AGBL4: variants seen among roughly 807,000 people sequenced by gnomAD.
AGBL4 encodes AGBL carboxypeptidase 4.
A neutral mutation model predicts 66.4 loss-of-function variants in AGBL4; 58 were observed. The ratio of observed to expected loss-of-function variants is 0.87; its 90% CI spans 0.71 to 1.09. The LOEUF (loss-of-function observed/expected upper bound fraction) is 1.09. AGBL4 is among the 50% of genes least tolerant of loss of function. AGBL4 has a pLI of 0.00. For missense variants in AGBL4, 579 were observed against 631.0 expected (o/e 0.92, Z 0.88); for synonymous variants, 234 against 222.9 (o/e 1.05, Z -0.44).
At chr1:49,239,719 T>TTATTGAA (rs1486363259) in intron 4 of AGBL4, among the ~76,000 whole-genome samples, 2 of 152,096 alleles carry the variant, frequency 1.3e-5, no homozygotes, top group Non-Finnish European at 2.9e-5. Flanking sequence ...AAATAGACAT[T>TTATTGAA]TATTGAATAC....
chr1:49,567,077 C>T (rs1412217801), intron 3 of AGBL4, among the ~76,000 whole-genome samples: 3 of 152,310 alleles, frequency 2.0e-5, no homozygotes, highest in Non-Finnish European at 2.9e-5. Flanking sequence ...AGCGAGGCTC[C>T]GTGGGCATAG....
At chr1:49,936,191 C>A (rs921807908) in intron 1 of AGBL4, among the ~76,000 whole-genome samples, 1 of 152,224 alleles carries the variant, frequency 6.6e-6, no homozygotes, top group South Asian at 2.1e-4. Flanking sequence ...GTGAAGAATG[C>A]AGAAGCCTCA....
chr1:49,013,944 T>G (rs1662635822), intron 5 of AGBL4, among the ~76,000 whole-genome samples: 1 of 152,218 alleles, frequency 6.6e-6, no homozygotes, highest in Non-Finnish European at 1.5e-5. Context: ...CCCTTTCTTG[T>G]CCTCTTTTAT....
intron 4 of AGBL4, among the ~76,000 whole-genome samples, chr1:49,139,139 A>G (rs1646068701): frequency 6.6e-6 from 1 of 152,128 alleles, no homozygotes; most frequent in African/African-American, 2.4e-5. Context: ...ACCTCCTACC[A>G]GGCCACTCCT....
At chr1:49,594,259 T>C (rs1039542687) in intron 3 of AGBL4, among the ~76,000 whole-genome samples, 2 of 152,230 alleles carry the variant, frequency 1.3e-5, no homozygotes, top group African/African-American at 4.8e-5. Context: ...GGAAGGGAAC[T>C]GGATACCTGT....
chr1:49,498,856 C>G (rs533328905), intron 3 of AGBL4, among the ~76,000 whole-genome samples: 1 of 151,922 alleles, frequency 6.6e-6, no homozygotes, highest in Non-Finnish European at 1.5e-5. Context: ...TTGTACATCA[C>G]GTTTATACAT....
chr1:49,495,349 T>C (rs1328804686), intron 3 of AGBL4, among the ~76,000 whole-genome samples: 1 of 152,086 alleles, frequency 6.6e-6, no homozygotes, highest in Non-Finnish European at 1.5e-5. Context: ...TAAAACATTA[T>C]GAGTTTTTTG....
intron 3 of AGBL4, among the ~76,000 whole-genome samples, chr1:49,406,634 C>G (rs148869006): frequency 6.6e-6 from 1 of 151,908 alleles, no homozygotes; most frequent in Non-Finnish European, 1.5e-5. Context: ...ATAAGCTCAA[C>G]TATACAAATG....
chr1:49,936,807 C>T (rs2148280363), intron 1 of AGBL4, among the ~76,000 whole-genome samples: 1 of 152,164 alleles, frequency 6.6e-6, no homozygotes, highest in Non-Finnish European at 1.5e-5. Flanking sequence ...TTTGTCACCA[C>T]AAGGCCTGCC....
intron 1 of AGBL4, among the ~76,000 whole-genome samples, chr1:49,915,218 G>A (rs12119862): frequency 1.3e-5 from 2 of 152,096 alleles, no homozygotes; most frequent in Non-Finnish European, 2.9e-5. Flanking sequence ...ATCTCACTGG[G>A]GCATGTTGGA....
intron 2 of AGBL4, among the ~76,000 whole-genome samples, chr1:49,760,778 C>T (rs1392086923): frequency 6.6e-6 from 1 of 152,082 alleles, no homozygotes; most frequent in East Asian, 1.9e-4. Flanking sequence ...ACCCAAATGC[C>T]CATCATTGAT....
intron 11 of AGBL4, among the ~76,000 whole-genome samples, chr1:48,542,989 AT>A (rs1644099154): frequency 6.6e-6 from 1 of 152,182 alleles, no homozygotes; most frequent in African/African-American, 2.4e-5. Flanking sequence ...TAGGTATATT[AT>A]TCCCACTGTT....
chr1:49,924,070 A>C (rs758487033), intron 1 of AGBL4, among the ~76,000 whole-genome samples: 2 of 152,218 alleles, frequency 1.3e-5, no homozygotes, highest in African/African-American at 2.4e-5. Context: ...AATCTTCCCA[A>C]ATGTCCATCA....
intron 3 of AGBL4, among the ~76,000 whole-genome samples, chr1:49,376,742 A>G (rs1259409754): frequency 1.3e-5 from 2 of 152,076 alleles, no homozygotes; most frequent in Non-Finnish European, 2.9e-5. Flanking sequence ...GGATCTTCCC[A>G]GAAATCCCCA....
At chr1:49,948,007 TAAA>T (rs1450155558) in intron 1 of AGBL4, among the ~76,000 whole-genome samples, 91 of 49,678 alleles carry the variant, frequency 1.8e-3, no homozygotes, top group African/African-American at 6.5e-3. Flanking sequence ...TAAATATATA[TAAA>T]TATATAAATA....
At chr1:49,093,280 A>G (rs116590965) in intron 4 of AGBL4, among the ~76,000 whole-genome samples, 187 of 152,286 alleles carry the variant, frequency 1.2e-3, no homozygotes, top group African/African-American at 4.3e-3. Flanking sequence ...GACTGACAAG[A>G]TAATAATGAG....
In AGBL4 at chr1:49,603,965, CACACACACACACA is replaced by C. The variant is rs1558093682; in HGVS notation, c.282+93335_282+93347del. On this transcript the variant is annotated intron_variant, in intron 3 of 13. Transcript: ENST00000371839. Reference sequence around the variant, plus strand: ...ACACACACACACACACACACACACACACACACACACACACACCACATTTTAGATTGATTCCATA... The same window carrying C: ...ACACACACACACACACACACACACACCACCACATTTTAGATTGATTCCATA... Among the ~76,000 whole-genome samples the C allele has an allele frequency of 1.7e-4, 25 of 150,502 alleles. 1 individual carries two copies. The highest frequency in any genetic ancestry group is 6.1e-4 in the African/African-American group (25 of 41,156).
intron 6 of AGBL4, among the ~76,000 whole-genome samples, chr1:48,664,890 A>G (rs1170571632): frequency 6.6e-6 from 1 of 152,202 alleles, no homozygotes; most frequent in Non-Finnish European, 1.5e-5. Flanking sequence ...ACATTGAGAG[A>G]GGTTGAATTG....
intron 4 of AGBL4, among the ~76,000 whole-genome samples, chr1:49,174,063 G>A (rs769388189): frequency 1.3e-5 from 2 of 152,048 alleles, no homozygotes; most frequent in African/African-American, 2.4e-5. Flanking sequence ...ACAGTGAAAG[G>A]AAAAGAGAGA....
Sources: gnomAD v4.1 joint callset for allele counts (sites outside exome capture counted in the v4.1 genomes callset) on GRCh38, gnomAD v4.1.1 for gene constraint, MANE v1.5 for transcripts, NCBI Gene and HGNC (gene_info 2026-07-23, HGNC 2026-07-21) for gene names.